CEP55: variants seen among roughly 807,000 people sequenced by gnomAD.
CEP55 encodes the protein centrosomal protein 55, also known as centrosomal protein of 55 kDa.
A neutral mutation model predicts 63.2 loss-of-function variants in CEP55; 57 were observed. The observed-to-expected ratio is 0.90, with a 90% CI of 0.73 to 1.13. The LOEUF is 1.13. CEP55 is among the 50% of genes most tolerant of loss of function. CEP55 has a pLI of 0.00. For missense variants in CEP55, 456 were observed against 518.9 expected, an observed-to-expected ratio of 0.88 and a Z score of 1.18; for synonymous variants, 178 against 191.6, an observed-to-expected ratio of 0.93 and a Z score of 0.59.
chr10:93,505,158 C>T (rs17108859), intron 3 of CEP55, among the ~76,000 whole-genome samples: 30,153 of 152,174 alleles, frequency 0.2, 3,098 homozygotes, highest in East Asian at 0.28. Context: ...ATTTTGTGGG[C>T]TACTCGTATT....
chr10:93,505,656 TG>T (rs1440219069), intron 3 of CEP55, among the ~76,000 whole-genome samples: 1 of 152,194 alleles, frequency 6.6e-6, no homozygotes, highest in African/African-American at 2.4e-5. Context: ...ATAATTTTTT[TG>T]AGCTTCTTTG....
At chr10:93,526,344 T>C (rs1383812631) in intron 8 of CEP55, among the ~76,000 whole-genome samples, 1 of 152,174 alleles carries the variant, frequency 6.6e-6, no homozygotes, top group Non-Finnish European at 1.5e-5. Context: ...ATGCTCATCA[T>C]CACTGGCCAT....
chr10:93,510,188 A>G (rs1163592003), intron 4 of CEP55, among the ~76,000 whole-genome samples: 1 of 152,234 alleles, frequency 6.6e-6, no homozygotes. Context: ...CAGTACTTTT[A>G]GTATTTATTT....
At position 93,501,947 on chromosome 10, in the gene CEP55, A is replaced by G. The variant is rs183976063; in HGVS notation, c.184-1166A>G. Among the ~76,000 whole-genome samples, 239 of 152,308 alleles carry G rather than the reference A, an allele frequency of 1.6e-3. 1 individual carries two copies. Among genetic ancestry groups the G allele is most frequent in the African/African-American group, 4.8e-3 (200 of 41,568 alleles). On this transcript the variant is annotated intron_variant, in intron 2 of 8. Coordinates refer to ENST00000371485, the MANE Select transcript of CEP55 (RefSeq NM_018131.5). ...AGCACTGGATATTTTGTTCCTTTAT[A>G]ATCAATTAAACTTCCTATAACTTCT...
chr10:93,516,804 TC>T lies in CEP55; in HGVS notation c.680-128del. 3 of 634,064 alleles carry T rather than the reference TC, an allele frequency of 4.7e-6. No individual in the cohort carries two copies. The South Asian group carries it at 7.2e-5, about 15-fold the overall frequency. 39.3% of individuals were successfully genotyped at this position (634,064 alleles called of 1,614,324 possible). On this transcript the variant is annotated intron_variant, in intron 5 of 8. Coordinates refer to ENST00000371485, the MANE Select transcript of CEP55 (RefSeq NM_018131.5). ...TTATTTCATCAAATATCAACCATAG[TC>T]CCTATCTCTTGACTTTTCATGTTGT...
chr10:93,515,164 G>A (rs112494752), intron 4 of CEP55, among the ~76,000 whole-genome samples: 3 of 152,122 alleles, frequency 2.0e-5, no homozygotes, highest in Admixed American at 6.6e-5. Flanking sequence ...TGACATATAC[G>A]CACACACAAA....
chr10:93,506,715 A>C (rs1815710), intron 3 of CEP55, among the ~76,000 whole-genome samples: 80,645 of 152,034 alleles, frequency 0.53, 23,392 homozygotes, highest in Non-Finnish European at 0.65. Flanking sequence ...TTATAGGCAC[A>C]GGCCACCAGG....
At chr10:93,517,993 G>A (rs191304568) in intron 6 of CEP55, among the ~76,000 whole-genome samples, 7 of 152,308 alleles carry the variant, frequency 4.6e-5, no homozygotes, top group South Asian at 2.1e-4. Context: ...GTGAGCGTCA[G>A]TTGAGAGAAG....
intron 4 of CEP55, among the ~76,000 whole-genome samples, chr10:93,509,148 C>G (rs1054288785): frequency 1.2e-4 from 19 of 152,128 alleles, no homozygotes; most frequent in African/African-American, 4.6e-4. Flanking sequence ...CAGATATCAC[C>G]TGAGGGTATT....
At chr10:93,501,524 C>A (rs558915121) in intron 2 of CEP55, among the ~76,000 whole-genome samples, 17 of 152,098 alleles carry the variant, frequency 1.1e-4, no homozygotes, top group African/African-American at 3.9e-4. Context: ...CAAAAATTAG[C>A]CGGATGTGTT....
chr10:93,521,581 A>C (rs1276516908), intron 8 of CEP55, among the ~76,000 whole-genome samples: 2 of 152,228 alleles, frequency 1.3e-5, no homozygotes, highest in Non-Finnish European at 2.9e-5. Context: ...CCTGTCTGAC[A>C]GATTGGAAGA....
chr10:93,511,480 G>C (rs1199730769), intron 4 of CEP55, among the ~76,000 whole-genome samples: 1 of 152,172 alleles, frequency 6.6e-6, no homozygotes, highest in Admixed American at 6.5e-5. Context: ...GTGGCATAAG[G>C]AAATGTTTAT....
At chr10:93,510,500 A>G (rs1477577101) in intron 4 of CEP55, 1 of 152,138 alleles carries the variant, frequency 6.6e-6, no homozygotes, top group East Asian at 1.9e-4. Flanking sequence ...ACCCACACAC[A>G]TATACATGTA....
Position 93,516,996 on chromosome 10 carries a change from T to C in CEP55, c.741T>C (p.Asp247=). ...YNDLLASAKK[D]LEVERQTITQ... ...ATCTCTTGGCAAGTGCAAAAAAAGA[T>C]CTTGAGGTTGAACGACAAACCATAA... The change falls in exon 6 of 9, where the codon GAT becomes GAC. Residue 247 remains aspartate (D), a synonymous_variant. Transcript: ENST00000371485. 6.2e-7 allele frequency: 1 copy of C among 1,607,592 alleles called. No homozygotes were observed. Among genetic ancestry groups the C allele is most frequent in the African/African-American group, 1.3e-5 (1 of 74,828 alleles).
rs147350574 is a variant in CEP55, at chr10:93,497,751, A to G, written c.-13+828A>G. ...GGTGGGGCAGCTATATCGTTTGTTA[A>G]GAGTTCACAGAGGGAAGGCATGCTG... is the stretch of plus-strand genomic sequence containing the variant. On this transcript the variant is annotated intron_variant, in intron 1 of 8. Transcript: ENST00000371485. Among the ~76,000 whole-genome samples the G allele has an allele frequency of 2.4e-3, 371 of 152,166 alleles. 2 individuals are homozygous for G. The highest frequency in any genetic ancestry group is 8.6e-3 in the African/African-American group (358 of 41,518).
chr10:93,507,525 T>C (rs2057701412), intron 4 of CEP55, among the ~76,000 whole-genome samples: 1 of 152,146 alleles, frequency 6.6e-6, no homozygotes, highest in Non-Finnish European at 1.5e-5. Context: ...CCCGGCATCA[T>C]GGTCTCTGTA....
At chr10:93,517,284 C>T (rs2057814999) in intron 6 of CEP55, 36 bp downstream of exon 6, 1 of 1,491,432 alleles carries the variant, frequency 6.7e-7, no homozygotes, top group Non-Finnish European at 9.1e-7. Flanking sequence ...AGAGTGTTCA[C>T]CGAACACTTT....
chr10:93,503,000 A>G, intron 2 of CEP55, 113 bp from the exon 3 acceptor site: 1 of 1,001,218 alleles, frequency 1.0e-6, no homozygotes. Flanking sequence ...CTTGGTATTT[A>G]GCGTAATGCT....
chr10:93,505,993 A>G (rs1056314193), intron 3 of CEP55, among the ~76,000 whole-genome samples: 24 of 152,000 alleles, frequency 1.6e-4, no homozygotes, highest in Admixed American at 2.6e-4. Context: ...CGGCCTCCCA[A>G]AGTGCTGGGA....
Sources: allele counts gnomAD v4.1 joint callset (sites outside exome capture counted in the v4.1 genomes callset), GRCh38; gene constraint gnomAD v4.1.1; transcripts MANE v1.5; gene names NCBI Gene and HGNC (gene_info 2026-07-23, HGNC 2026-07-21).